SMG6: variants seen among roughly 807,000 people sequenced by gnomAD.
SMG6 encodes SMG6 nonsense mediated mRNA decay factor, also known as telomerase-binding protein EST1A.
Under a neutral mutation model 142.2 loss-of-function variants are expected in SMG6, and 66 were observed. The observed-to-expected ratio is 0.46, with a 90% CI of 0.38 to 0.57. SMG6 has a LOEUF of 0.57. Ranked by LOEUF, SMG6 falls within the 20% of genes least tolerant of loss-of-function variation. SMG6 has a pLI of 0.00. For missense variants in SMG6, 1,793 were observed against 1,832.0 expected, an observed-to-expected ratio of 0.98 and a Z score of 0.39; for synonymous variants, 779 against 702.4, an observed-to-expected ratio of 1.11 and a Z score of -1.72.
At chr17:2,110,257 G>A (rs889882726) in intron 13 of SMG6, among the ~76,000 whole-genome samples, 4 of 152,024 alleles carry the variant, frequency 2.6e-5, no homozygotes, top group Admixed American at 1.3e-4. Context: ...GCTTAGTAAC[G>A]TGGAGTTCAG....
chr17:2,183,263 A>AAAGAAAG (rs2071863278), intron 12 of SMG6, among the ~76,000 whole-genome samples: 1 of 151,962 alleles, frequency 6.6e-6, no homozygotes, highest in Non-Finnish European at 1.5e-5. Context: ...GAAGAAGGAA[A>AAAGAAAG]AAGAAAGAAA....
intron 13 of SMG6, among the ~76,000 whole-genome samples, chr17:2,109,404 T>C (rs952391287): frequency 6.6e-6 from 1 of 152,092 alleles, no homozygotes; most frequent in Non-Finnish European, 1.5e-5. Flanking sequence ...GCTGTGATTA[T>C]AGGCGCGTGC....
chr17:2,068,797 G>C lies in SMG6; in HGVS notation c.3816C>G (p.Ile1272Met), dbSNP rs1280586280. The C allele has an allele frequency of 6.2e-7, 1 of 1,614,058 alleles. No homozygotes were observed. The highest frequency in any genetic ancestry group is 8.5e-7 in the Non-Finnish European group (1 of 1,180,004). ...ACTCACCGATGAGGGGCACCACCAG[G>C]ATGTACTTCCTGCTCTCCAGCAGCC... is the stretch of plus-strand genomic sequence containing the variant. ...LARLLESRKYILVVPLIVINE... is the reference protein window; with the variant it reads ...LARLLESRKYMLVVPLIVINE... The change falls in exon 16 of 19, where the codon ATC becomes ATG. Residue 1272 changes from isoleucine (I) to methionine (M), a missense_variant. Physicochemically the swap from Ile to Met is conservative, Grantham distance 10 (BLOSUM62 1). This residue lies in a region of SMG6 where 179 missense variants were observed against 212.6 expected (regional missense o/e 0.84). Transcript: ENST00000263073. This position sits in a 1 kb window ranked among gnomAD's most constrained non-coding sequence, Gnocchi z 6.7.
chr17:2,145,892 C>T (rs1019419188), intron 13 of SMG6, among the ~76,000 whole-genome samples: 4 of 152,054 alleles, frequency 2.6e-5, no homozygotes, highest in Non-Finnish European at 4.4e-5. Context: ...CTGTCTGCAA[C>T]TGTTCCTGAG....
chr17:2,201,762 G>A (rs1225302981), intron 10 of SMG6, among the ~76,000 whole-genome samples: 1 of 151,838 alleles, frequency 6.6e-6, no homozygotes, highest in African/African-American at 2.4e-5. Context: ...GGTGGCTCAT[G>A]GCTGTAATCT....
chr17:2,154,205 G>T (rs984347720), intron 13 of SMG6, among the ~76,000 whole-genome samples: 5 of 149,034 alleles, frequency 3.4e-5, no homozygotes, highest in Admixed American at 3.3e-4. Flanking sequence ...ACCTGGGGAT[G>T]CACGCAGAGT....
intron 15 of SMG6, among the ~76,000 whole-genome samples, chr17:2,075,015 G>A (rs1318813415): frequency 6.6e-6 from 1 of 152,242 alleles, no homozygotes; most frequent in Non-Finnish European, 1.5e-5. Flanking sequence ...GGCTGGAGCG[G>A]GTCTGGGTGG....
chr17:2,263,798 G>A (rs1401051174), intron 8 of SMG6, among the ~76,000 whole-genome samples: 3 of 152,126 alleles, frequency 2.0e-5, no homozygotes, highest in East Asian at 1.9e-4. Context: ...GAAGGATCAC[G>A]AGCCAAGAAA....
chr17:2,060,418 C>T lies in SMG6; in HGVS notation c.*1074G>A, dbSNP rs1452806522. On this transcript the variant is annotated 3_prime_UTR_variant, in exon 19 of 19. Coordinates refer to ENST00000263073, the MANE Select transcript of SMG6 (RefSeq NM_017575.5). The stretch of plus-strand genomic sequence containing the variant: ...CTGGAATGCCTCAGGCTGGGCTGTC[C>T]ACGCCTGGAAGTTTCTCCCAGCACA... 6.6e-6 allele frequency: 1 copy of T among 152,262 alleles called. No homozygotes were observed. Among genetic ancestry groups the T allele is most frequent in the African/African-American group, 2.4e-5 (1 of 41,446 alleles). The allele number at this position is 152,262 out of a possible 1,614,324, so 9.4% of individuals were successfully genotyped here. A position where few individuals can be genotyped will look rare whatever the true frequency, so the allele number is the denominator to read the frequency against.
intron 13 of SMG6, among the ~76,000 whole-genome samples, chr17:2,137,335 A>G (rs977296572): frequency 1.3e-5 from 2 of 152,156 alleles, no homozygotes; most frequent in African/African-American, 4.8e-5. Context: ...TTCCAGCTCA[A>G]AAGAAACACA....
At chr17:2,073,449 G>A (rs1283490066) in intron 15 of SMG6, among the ~76,000 whole-genome samples, 6 of 151,888 alleles carry the variant, frequency 4.0e-5, no homozygotes, top group Non-Finnish European at 8.8e-5. Flanking sequence ...GGTGGCTCAC[G>A]CCTATAATCC....
At chr17:2,156,964 A>G (rs2071026758) in intron 13 of SMG6, among the ~76,000 whole-genome samples, 1 of 152,108 alleles carries the variant, frequency 6.6e-6, no homozygotes, top group Non-Finnish European at 1.5e-5. Context: ...CCATTCTTCT[A>G]GTTCATGCTT....
In SMG6 at chr17:2,068,664, C is replaced by T. The variant is rs896632484; in HGVS notation, c.3835+114G>A. The T allele has an allele frequency of 9.0e-7, 1 of 1,105,948 alleles. No homozygotes were observed. Among genetic ancestry groups the T allele is most frequent in the African/African-American group, 1.6e-5 (1 of 63,850 alleles). The allele number at this position is 1,105,948 out of a possible 1,614,324, so 68.5% of individuals were successfully genotyped here. The stretch of plus-strand genomic sequence containing the variant: ...GCGTTCCCTACTCCCCTGCAAATCC[C>T]ATCTTACACACGCACAGCAGGGCTC... On this transcript the variant is annotated intron_variant, in intron 16 of 18. Coordinates refer to ENST00000263073, the MANE Select transcript of SMG6 (RefSeq NM_017575.5). This position sits in a 1 kb window ranked among gnomAD's most constrained non-coding sequence, Gnocchi z 6.7.
chr17:2,289,634 T>G (rs2074986701), intron 6 of SMG6, among the ~76,000 whole-genome samples: 1 of 152,008 alleles, frequency 6.6e-6, no homozygotes, highest in African/African-American at 2.4e-5. Flanking sequence ...ATTTTAAAAC[T>G]GCCAGGTGCG....
At chr17:2,122,656 G>C (rs1255996654) in intron 13 of SMG6, 2 of 152,214 alleles carry the variant, frequency 1.3e-5, no homozygotes, top group African/African-American at 4.8e-5. Flanking sequence ...AGCTAAGTTA[G>C]AAGCCGCGAG....
In SMG6 at chr17:2,071,552, G is replaced by A. The variant is rs1031183001; in HGVS notation, c.3682-2621C>T. 2.0e-5 allele frequency among the ~76,000 whole-genome samples: 3 copies of A among 152,226 alleles called. No individual in the cohort carries two copies. On this transcript the variant is annotated intron_variant, in intron 15 of 18. Coordinates refer to ENST00000263073, the MANE Select transcript of SMG6 (RefSeq NM_017575.5). The surrounding 1 kb of genome is among the most constrained non-coding windows in gnomAD (Gnocchi z 5.6). ...TGGGTGTGGGGTGGGGCCAAGCCCCGTGAGGGTGGTCAGAGCTGTGCTGCC... is the reference window on the plus strand; with the variant it reads ...TGGGTGTGGGGTGGGGCCAAGCCCCATGAGGGTGGTCAGAGCTGTGCTGCC...
chr17:2,266,209 G>T, intron 8 of SMG6: 1 of 984,752 alleles, frequency 1.0e-6, no homozygotes, highest in Non-Finnish European at 1.2e-6. Flanking sequence ...CTGACTTTCC[G>T]GATGGTAACT....
At chr17:2,073,767 A>T (rs2068180079) in intron 15 of SMG6, among the ~76,000 whole-genome samples, 1 of 151,278 alleles carries the variant, frequency 6.6e-6, no homozygotes, top group Non-Finnish European at 1.5e-5. Flanking sequence ...AACATGGTGA[A>T]ACCCCATCTC....
chr17:2,297,505 T>C, intron 3 of SMG6, 152 bp from the exon 4 acceptor site: 1 of 628,184 alleles, frequency 1.6e-6, no homozygotes, highest in South Asian at 2.0e-5. Flanking sequence ...GCCACCAATT[T>C]GAGAACAAGG....
Sources: allele counts gnomAD v4.1 joint callset (sites outside exome capture counted in the v4.1 genomes callset), GRCh38; gene constraint gnomAD v4.1.1; regional missense constraint gnomAD v4.1.1; non-coding constraint Gnocchi (gnomAD v3.1); transcripts MANE v1.5; gene names NCBI Gene and HGNC (gene_info 2026-07-23, HGNC 2026-07-21).